The following HUNK variants were observed in gnomAD, a reference collection of about 807,000 sequenced individuals.
HUNK encodes the protein hormonally up-regulated neu tumor-associated kinase.
A neutral mutation model predicts 61.0 loss-of-function variants in HUNK; 21 were observed. The observed-to-expected ratio is 0.34, with a 90% confidence interval of 0.24 to 0.50. The LOEUF (loss-of-function observed/expected upper bound fraction) is 0.50. HUNK is among the 20% of genes least tolerant of loss of function. The pLI is 0.98. For missense variants in HUNK, 772 were observed against 945.7 expected (o/e 0.82, Z 2.41); for synonymous variants, 371 against 386.1 (o/e 0.96, Z 0.46).
chr21:31,973,782 T>C (rs2053029679), intron 6 of HUNK, among the ~76,000 whole-genome samples: 1 of 152,166 alleles, frequency 6.6e-6, no homozygotes, highest in Admixed American at 6.5e-5. Flanking sequence ...TACCTACTCA[T>C]AGGACTATCA....
intron 1 of HUNK, among the ~76,000 whole-genome samples, chr21:31,894,024 C>T (rs2052408980): frequency 6.6e-6 from 1 of 152,182 alleles, no homozygotes; most frequent in Non-Finnish European, 1.5e-5. Context: ...CCCTTCTTCC[C>T]CGAGGCTGCG....
At chr21:31,880,722 T>C (rs919602081) in intron 1 of HUNK, among the ~76,000 whole-genome samples, 3 of 152,154 alleles carry the variant, frequency 2.0e-5, no homozygotes, top group African/African-American at 7.2e-5. Context: ...GACTTGAAGG[T>C]ATCTTTTGGG....
chr21:31,891,577 G>A (rs1047298151), intron 1 of HUNK, among the ~76,000 whole-genome samples: 1 of 152,168 alleles, frequency 6.6e-6, no homozygotes, highest in Non-Finnish European at 1.5e-5. Context: ...TACAAGTGAG[G>A]TTACAGTTCA....
At chr21:31,903,348 T>C (rs2052482092) in intron 1 of HUNK, among the ~76,000 whole-genome samples, 1 of 152,218 alleles carries the variant, frequency 6.6e-6, no homozygotes, top group South Asian at 2.1e-4. Flanking sequence ...AATTCTTTTA[T>C]TGAACTTGAC....
rs182254353 is a variant in HUNK, at chr21:31,903,876, A to C, written c.262-20592A>C. 3.1e-3 allele frequency among the ~76,000 whole-genome samples: 479 copies of C among 152,382 alleles called. 1 individual carries two copies. Among genetic ancestry groups the C allele is most frequent in the African/African-American group, 0.011 (440 of 41,592 alleles). On this transcript the variant is annotated intron_variant, in intron 1 of 10. Coordinates refer to ENST00000270112, the MANE Select transcript of HUNK (RefSeq NM_014586.2). ...CCTCAGGTTGTATCTAATGGGATCAACAGTATTGGTTGAAAGTCATTAGTT... is the reference window on the plus strand; with the variant it reads ...CCTCAGGTTGTATCTAATGGGATCACCAGTATTGGTTGAAAGTCATTAGTT...
chr21:31,907,190 A>G (rs1172548768), intron 1 of HUNK, among the ~76,000 whole-genome samples: 2 of 152,098 alleles, frequency 1.3e-5, no homozygotes, highest in African/African-American at 4.8e-5. Context: ...AAACAAACAG[A>G]AAAAATGTGC....
chr21:31,992,722 A>G (rs1298412437), intron 9 of HUNK, among the ~76,000 whole-genome samples: 1 of 152,244 alleles, frequency 6.6e-6, no homozygotes, highest in Non-Finnish European at 1.5e-5. Context: ...ATGTAAGGCA[A>G]TTTAGCATCC....
intron 1 of HUNK, among the ~76,000 whole-genome samples, chr21:31,905,065 G>A (rs2123801927): frequency 8.9e-6 from 1 of 112,434 alleles, no homozygotes; most frequent in African/African-American, 3.7e-5. Context: ...GCAACAGAGT[G>A]AGACTGTGTC....
rs146617020 is a variant in HUNK, at chr21:31,943,125, T to G, written c.610+2905T>G. ...CAAAGGTGATTATAGCTATTATGAT[T>G]GCCTCTTAATAGTTTCTCTTTCTTT... On this transcript the variant is annotated intron_variant, in intron 3 of 10. Transcript: ENST00000270112. 3.3e-5 allele frequency among the ~76,000 whole-genome samples: 5 copies of G among 152,344 alleles called. No homozygotes were observed. In the East Asian group the frequency reaches 9.6e-4, roughly 29 times the overall value.
chr21:31,939,860 C>A (rs910098634), intron 2 of HUNK, among the ~76,000 whole-genome samples: 2 of 152,010 alleles, frequency 1.3e-5, no homozygotes, highest in Non-Finnish European at 2.9e-5. Flanking sequence ...TCTCCCCACA[C>A]CCTGGTTCTG....
intron 1 of HUNK, among the ~76,000 whole-genome samples, chr21:31,917,756 A>ACACACACACACACC (rs758905742): frequency 8.2e-6 from 1 of 122,408 alleles, no homozygotes. Flanking sequence ...ACACACACAC[A>ACACACACACACACC]CCCCTGGACT....
Position 31,968,358 on chromosome 21 carries a change from T to C in HUNK, c.983T>C (p.Val328Ala), listed in dbSNP as rs775239302. The C allele has an allele frequency of 1.2e-6, 2 of 1,614,098 alleles. No individual in the cohort carries two copies. Among genetic ancestry groups the C allele is most frequent in the Non-Finnish European group, 1.7e-6 (2 of 1,180,050 alleles). The change falls in exon 6 of 11, where the codon GTG (valine) becomes GCG (alanine). Residue 328 changes from valine (V) to alanine (A), a missense_variant. By Grantham distance (64) the Val-to-Ala change is moderately conservative. Coordinates refer to ENST00000270112, the MANE Select transcript of HUNK (RefSeq NM_014586.2). ...CTTAATGAGAATTACACGGGCAAAGTGCCCTGTAATGTCACCTATCCCAAC... is the reference window on the plus strand; with the variant it reads ...CTTAATGAGAATTACACGGGCAAAGCGCCCTGTAATGTCACCTATCCCAAC... ...RWLNENYTGK[V>A]PCNVTYPNRI...
chr21:31,972,146 C>T (rs2123851582), intron 6 of HUNK, among the ~76,000 whole-genome samples: 1 of 152,250 alleles, frequency 6.6e-6, no homozygotes, highest in East Asian at 1.9e-4. Context: ...CTCTTTCTGT[C>T]TCCCTGCAGG....
chr21:31,902,138 C>T (rs2123800091), intron 1 of HUNK, among the ~76,000 whole-genome samples: 1 of 152,266 alleles, frequency 6.6e-6, no homozygotes, highest in South Asian at 2.1e-4. Context: ...TCATGTAACT[C>T]CCACAAGCCC....
intron 1 of HUNK, among the ~76,000 whole-genome samples, chr21:31,898,192 T>G (rs181083077): frequency 1.3e-3 from 35 of 26,898 alleles, no homozygotes. Flanking sequence ...TACTCTGTAG[T>G]GAAACCCCAC....
chr21:31,968,804 G>T lies in HUNK; in HGVS notation c.1010+419G>T, dbSNP rs2052988652. Among the ~76,000 whole-genome samples the T allele has an allele frequency of 2.0e-5, 3 of 149,824 alleles. No individual in the cohort carries two copies. In the South Asian group the frequency reaches 6.4e-4, roughly 32 times the overall value. On this transcript the variant is annotated intron_variant, in intron 6 of 10. Coordinates refer to ENST00000270112, the MANE Select transcript of HUNK (RefSeq NM_014586.2). ...TCTGCTTGGGTCTCCATGTGCATGG[G>T]TGTTGTGTCTGTGTGTGTGTATGTG...
At chr21:31,966,903 T>G (rs1397037638) in intron 5 of HUNK, among the ~76,000 whole-genome samples, 2 of 152,142 alleles carry the variant, frequency 1.3e-5, no homozygotes, top group African/African-American at 4.8e-5. Flanking sequence ...ACCGCAATAC[T>G]TTGTAAAATA....
chr21:31,890,608 A>C (rs767641492), intron 1 of HUNK, among the ~76,000 whole-genome samples: 1 of 152,190 alleles, frequency 6.6e-6, no homozygotes, highest in Non-Finnish European at 1.5e-5. Flanking sequence ...TTTTAAATCC[A>C]GTTCCCAATT....
chr21:31,917,950 C>T (rs3787691), intron 1 of HUNK, among the ~76,000 whole-genome samples: 52,862 of 151,970 alleles, frequency 0.35, 9,785 homozygotes, highest in African/African-American at 0.46. Flanking sequence ...TGTAAAACTC[C>T]CCCGACTCAA....
Sources: allele counts gnomAD v4.1 joint callset (sites outside exome capture counted in the v4.1 genomes callset), GRCh38; gene constraint gnomAD v4.1.1; transcripts MANE v1.5; gene names NCBI Gene and HGNC (gene_info 2026-07-23, HGNC 2026-07-21).